The following PSMD9 variants were observed in gnomAD, a reference collection of about 807,000 sequenced individuals.
PSMD9 encodes 26S proteasome non-ATPase regulatory subunit 9.
Under a neutral mutation model 25.9 loss-of-function variants are expected in PSMD9, and 26 were observed. The observed-to-expected ratio is 1.00, with a 90% confidence interval of 0.73 to 1.39. PSMD9 has a LOEUF of 1.39. PSMD9 is among the 40% of genes most tolerant of loss of function. The probability of loss-of-function intolerance (pLI) is 0.00; values close to 1 mark genes in which losing one functional copy is unlikely to be tolerated. For missense variants in PSMD9, 303 were observed against 299.3 expected, an observed-to-expected ratio of 1.01 and a Z score of -0.09; for synonymous variants, 110 against 114.5, an observed-to-expected ratio of 0.96 and a Z score of 0.25.
rs2135735465 is a variant in PSMD9, at chr12:121,916,429, G to A, written c.*118G>A. On this transcript the variant is annotated 3_prime_UTR_variant, in exon 6 of 6. Coordinates refer to ENST00000541212, the MANE Select transcript of PSMD9 (RefSeq NM_002813.7). ...AGGATCTGGAAGAGGCTTGTAACCT[G>A]AACTTCTGTGTGGTGGCAGTACTGT... 1 of 1,294,606 alleles carries A rather than the reference G, an allele frequency of 7.7e-7. No homozygotes were observed. Among genetic ancestry groups the A allele is most frequent in the Middle Eastern group, 1.9e-4 (1 of 5,374 alleles). 80.2% of individuals were successfully genotyped at this position (1,294,606 alleles called of 1,614,324 possible).
chr12:121,893,937 G>C (rs911800207), intron 1 of PSMD9: 1 of 152,342 alleles, frequency 6.6e-6, no homozygotes, highest in East Asian at 1.9e-4. Context: ...TCTTGCAGCA[G>C]GTAGGGAGGG....
chr12:121,897,687 ATTTTTTAGTAGTAT>A (rs558034937), intron 2 of PSMD9: 1 of 144,864 alleles, frequency 6.9e-6, no homozygotes, highest in African/African-American at 2.6e-5. Context: ...GCCTGGCCTA[ATTTTTTAGTAGTAT>A]TTTTTTAGTA....
chr12:121,918,266 G>A lies in PSMD9; in HGVS notation c.*1955G>A, dbSNP rs1879986846. On this transcript the variant is annotated 3_prime_UTR_variant, in exon 6 of 6. Coordinates refer to ENST00000541212, the MANE Select transcript of PSMD9 (RefSeq NM_002813.7). This position sits in a 1 kb window ranked among gnomAD's most constrained non-coding sequence, Gnocchi z 4.3. ...TTGTGTGCTGCATCCATGAGACCTG[G>A]AAATTCAGTTTGCTTTTGGAAAAGA... is the stretch of plus-strand genomic sequence containing the variant. The A allele has an allele frequency of 6.7e-6, 1 of 148,560 alleles. No individual in the cohort carries two copies. The highest frequency in any genetic ancestry group is 1.5e-5 in the Non-Finnish European group (1 of 68,048). 9.2% of individuals were successfully genotyped at this position (148,560 alleles called of 1,614,324 possible).
chr12:121,903,444 CAT>C (rs556279098), intron 4 of PSMD9, among the ~76,000 whole-genome samples: 129 of 152,286 alleles, frequency 8.5e-4, no homozygotes, highest in African/African-American at 3.1e-3. Context: ...AGGATTTCAA[CAT>C]ATGAATTTCA....
chr12:121,915,889 G>C lies in PSMD9; in HGVS notation c.589G>C (p.Glu197Gln). 6.2e-7 allele frequency: 1 copy of C among 1,613,670 alleles called. No individual in the cohort carries two copies. The highest frequency in any genetic ancestry group is 8.5e-7 in the Non-Finnish European group (1 of 1,179,800). ...PLNVTVIRRG[E>Q]KHQLRLVPTR... Reference sequence around the variant, plus strand: ...GAATGTGACAGTGATCCGCAGGGGGGAAAAACACCAGCTTAGACTTGTTCC... The same window carrying C: ...GAATGTGACAGTGATCCGCAGGGGGCAAAAACACCAGCTTAGACTTGTTCC... The change falls in exon 5 of 6, where the codon GAA becomes CAA. Residue 197 changes from glutamate (E) to glutamine (Q), a missense_variant. Transcript: ENST00000541212.
At position 121,916,543 on chromosome 12, in the gene PSMD9, G is replaced by T; in HGVS notation, c.*232G>T. On this transcript the variant is annotated 3_prime_UTR_variant, in exon 6 of 6. Transcript: ENST00000541212. ...CAAATTAGGCCACGGCCCTAAATAGGAATTCCCTGGATTGTGGGCAAGTGG... is the reference window on the plus strand; with the variant it reads ...CAAATTAGGCCACGGCCCTAAATAGTAATTCCCTGGATTGTGGGCAAGTGG... 1.8e-6 allele frequency: 1 copy of T among 570,392 alleles called. No individual in the cohort carries two copies. The highest frequency in any genetic ancestry group is 3.1e-6 in the Non-Finnish European group (1 of 320,780). 35.3% of individuals were successfully genotyped at this position (570,392 alleles called of 1,614,324 possible).
At chr12:121,910,709 G>A (rs1247666215) in intron 4 of PSMD9, among the ~76,000 whole-genome samples, 4 of 151,382 alleles carry the variant, frequency 2.6e-5, no homozygotes, top group Non-Finnish European at 2.9e-5. Flanking sequence ...GCAGTGAGCC[G>A]AGATCACGCC....
At chr12:121,915,443 G>A (rs1224901208) in intron 4 of PSMD9, 2 of 164,982 alleles carry the variant, frequency 1.2e-5, no homozygotes, top group East Asian at 1.8e-4. Flanking sequence ...ACCTATTGAT[G>A]GACATTTCTG....
chr12:121,894,532 G>T, intron 1 of PSMD9: 2 of 536,338 alleles, frequency 3.7e-6, no homozygotes, highest in Non-Finnish European at 6.8e-6. Context: ...CATTACTTGC[G>T]TCGTTAAAAA....
intron 4 of PSMD9, among the ~76,000 whole-genome samples, chr12:121,908,746 G>A (rs1879631996): frequency 6.6e-6 from 1 of 152,132 alleles, no homozygotes; most frequent in South Asian, 2.1e-4. Flanking sequence ...TGGGATTGAA[G>A]GAGTGTTCCT....
intron 2 of PSMD9, 105 bp downstream of exon 2, chr12:121,894,946 C>T: frequency 1.0e-6 from 1 of 984,956 alleles, no homozygotes; most frequent in Non-Finnish European, 1.6e-6. Flanking sequence ...TCTCTTCTGC[C>T]TTGATGGGAT....
At position 121,916,492 on chromosome 12, in the gene PSMD9, T is replaced by A; in HGVS notation, c.*181T>A. On this transcript the variant is annotated 3_prime_UTR_variant, in exon 6 of 6. Coordinates refer to ENST00000541212, the MANE Select transcript of PSMD9 (RefSeq NM_002813.7). ...TAATCTCCCTGGATTAAGGCATTCT[T>A]AAAAACTTAGGCTTGGCCTCTTTCA... 1.4e-6 allele frequency: 1 copy of A among 731,330 alleles called. No individual in the cohort carries two copies. Among genetic ancestry groups the A allele is most frequent in the Non-Finnish European group, 2.2e-6 (1 of 445,344 alleles). 45.3% of individuals were successfully genotyped at this position (731,330 alleles called of 1,614,324 possible).
intron 4 of PSMD9, 50 bp from the exon 5 acceptor site, chr12:121,915,806 C>CTCTG: frequency 6.8e-7 from 1 of 1,471,836 alleles, no homozygotes; most frequent in Non-Finnish European, 9.4e-7. Flanking sequence ...TAGCCTGCAT[C>CTCTG]TCTGAGTACT....
At chr12:121,914,982 G>A (rs980018694) in intron 4 of PSMD9, 5 of 152,108 alleles carry the variant, frequency 3.3e-5, no homozygotes, top group Non-Finnish European at 5.9e-5. Context: ...GTTTTTCCAT[G>A]TTCTTCCAGA....
intron 2 of PSMD9, among the ~76,000 whole-genome samples, chr12:121,895,132 C>G (rs1366464787): frequency 6.6e-6 from 1 of 151,916 alleles, no homozygotes; most frequent in African/African-American, 2.4e-5. Context: ...GCAGTCTCAA[C>G]CCCCCAGGCT....
At chr12:121,890,577 C>A (rs371470367) in intron 1 of PSMD9, among the ~76,000 whole-genome samples, 1 of 152,104 alleles carries the variant, frequency 6.6e-6, no homozygotes, top group Non-Finnish European at 1.5e-5. Context: ...AAGCAATCCT[C>A]CCACCTCAGC....
In PSMD9 at chr12:121,911,032, TTTTTG is replaced by T. The variant is rs58759018; in HGVS notation, c.556-4804_556-4800del. Reference sequence around the variant, plus strand: ...GTGAAATCTTACATACTGTGTAGTTTTTTTGTTTTGTTTTGTTTTGTTTTTGAGAT... The same window carrying T: ...GTGAAATCTTACATACTGTGTAGTTTTTTTGTTTTGTTTTGTTTTTGAGAT... On this transcript the variant is annotated intron_variant, in intron 4 of 5. Transcript: ENST00000541212. 105 of 450,768 alleles carry T rather than the reference TTTTTG, an allele frequency of 2.3e-4. 2 individuals carry two copies. Among genetic ancestry groups the T allele is most frequent in the Non-Finnish European group, 3.9e-4 (87 of 224,808 alleles). 27.9% of individuals were successfully genotyped at this position (450,768 alleles called of 1,614,324 possible). A position where few individuals can be genotyped will look rare whatever the true frequency, so the allele number is the denominator to read the frequency against.
At chr12:121,904,772 C>T (rs1333900173) in intron 4 of PSMD9, among the ~76,000 whole-genome samples, 4 of 149,474 alleles carry the variant, frequency 2.7e-5, no homozygotes, top group African/African-American at 5.0e-5. Flanking sequence ...ATTCTCCTGC[C>T]TCAGCCTCCT....
intron 2 of PSMD9, among the ~76,000 whole-genome samples, chr12:121,896,160 T>C (rs1451830806): frequency 6.6e-6 from 1 of 152,112 alleles, no homozygotes; most frequent in Non-Finnish European, 1.5e-5. Context: ...CAATTCCTTA[T>C]TGGTCTTTTT....
Sources: allele counts gnomAD v4.1 joint callset (sites outside exome capture counted in the v4.1 genomes callset), GRCh38; gene constraint gnomAD v4.1.1; non-coding constraint Gnocchi (gnomAD v3.1); transcripts MANE v1.5; gene names NCBI Gene and HGNC (gene_info 2026-07-23, HGNC 2026-07-21).